Variants in INSL6 observed in about 807,000 individuals in gnomAD.
INSL6 encodes the protein insulin-like peptide INSL6.
Under a neutral mutation model 9.4 loss-of-function variants are expected in INSL6, and 16 were observed. That is an observed-to-expected ratio of 1.70 (90% confidence interval 1.15 to 2.59). The LOEUF (loss-of-function observed/expected upper bound fraction) is 2.59, where lower values mean the gene tolerates loss of function less well. Among genes scored for constraint, INSL6 ranks in the 30% most tolerant of loss-of-function variants. INSL6 has a pLI of 0.00. For missense variants in INSL6, 391 were observed against 257.3 expected, an observed-to-expected ratio of 1.52 and a Z score of -3.56; for synonymous variants, 154 against 96.9, an observed-to-expected ratio of 1.59 and a Z score of -3.46.
At chr9:5,107,054 C>T in the INSL6 span, among the ~76,000 whole-genome samples, 3 of 152,122 alleles carry the variant, frequency 2.0e-5, no homozygotes, top group Non-Finnish European at 2.9e-5. Context: ...CATCACTTTA[C>T]ATCCAACCAG....
chr9:5,049,402 T>C, the INSL6 span, among the ~76,000 whole-genome samples: 4 of 152,212 alleles, frequency 2.6e-5, no homozygotes, highest in East Asian at 7.7e-4. Context: ...TCTGAACATA[T>C]CTGGTGCTTT....
the INSL6 span, among the ~76,000 whole-genome samples, chr9:5,015,521 CTTTTT>C: frequency 1.4e-5 from 2 of 140,534 alleles, no homozygotes; most frequent in African/African-American, 2.8e-5. Flanking sequence ...TCATTGTATT[CTTTTT>C]CTTTTTCTTT....
At chr9:5,086,442 T>C in the INSL6 span, among the ~76,000 whole-genome samples, 1 of 152,248 alleles carries the variant, frequency 6.6e-6, no homozygotes, top group Admixed American at 6.5e-5. Context: ...ATTATCAGCA[T>C]CATTCTCAAT....
At chr9:5,024,469 G>A in the INSL6 span, among the ~76,000 whole-genome samples, 1 of 152,014 alleles carries the variant, frequency 6.6e-6, no homozygotes. Context: ...CTCTGCCTTA[G>A]CCTTCCCTTC....
the INSL6 span, among the ~76,000 whole-genome samples, chr9:5,035,709 T>A: frequency 3.1e-4 from 47 of 152,232 alleles, no homozygotes; most frequent in African/African-American, 1.1e-3. Context: ...CTCAATAAAT[T>A]AGGTATTGAT....
the INSL6 span, among the ~76,000 whole-genome samples, chr9:5,056,702 G>T: frequency 6.6e-6 from 1 of 152,106 alleles, no homozygotes; most frequent in Non-Finnish European, 1.5e-5. Flanking sequence ...TTTTATGGAT[G>T]CATAAAAGGA....
chr9:5,055,729 C>A, the INSL6 span: 1 of 1,607,354 alleles, frequency 6.2e-7, no homozygotes, highest in Non-Finnish European at 8.5e-7. Flanking sequence ...GCAAGCAAAC[C>A]AAGAGGGTTC....
At chr9:4,992,237 T>C in the INSL6 span, among the ~76,000 whole-genome samples, 3 of 152,312 alleles carry the variant, frequency 2.0e-5, no homozygotes, top group Middle Eastern at 3.4e-3. Flanking sequence ...ACATGTGGCC[T>C]GGATTTCCTC....
chr9:5,054,898 A>G, the INSL6 span: 7 of 1,530,530 alleles, frequency 4.6e-6, no homozygotes, highest in Non-Finnish European at 6.2e-6. The surrounding 1 kb of genome is among the most constrained non-coding windows in gnomAD (Gnocchi z 4.9). Context: ...ATCCTTAATG[A>G]TATGTTCTTG....
chr9:5,102,188 G>A, the INSL6 span, among the ~76,000 whole-genome samples: 290 of 152,250 alleles, frequency 1.9e-3, no homozygotes, highest in Non-Finnish European at 1.6e-3. Context: ...GTGTAGAGAA[G>A]ACCTTAAATG....
chr9:5,118,323 T>C, the INSL6 span, among the ~76,000 whole-genome samples: 6 of 152,226 alleles, frequency 3.9e-5, no homozygotes. Context: ...TTGCATAATA[T>C]GTTACACTTT....
At chr9:5,179,600 C>T (rs987462950) in intron 1 of INSL6, among the ~76,000 whole-genome samples, 7 of 152,182 alleles carry the variant, frequency 4.6e-5, no homozygotes, top group African/African-American at 1.7e-4. Context: ...AACCTAAATG[C>T]CCACCAATGA....
rs59479266 is a variant in INSL6 at position 5,150,846 on chromosome 9, G to GACACAC, written c.376+13327_376+13332dup. Among the ~76,000 whole-genome samples, 477 of 146,382 alleles carry GACACAC rather than the reference G, an allele frequency of 3.3e-3. 2 individuals are homozygous for GACACAC. Among genetic ancestry groups the GACACAC allele is most frequent in the African/African-American group, 9.1e-3 (364 of 39,850 alleles). ...CATCAACAGATGACTGGATAAAGGA[G>GACACAC]ACACACACACACACACACACACACA... On this transcript the variant is annotated intron_variant, in intron 2 of 3. Transcript: ENST00000649639.
At chr9:5,056,087 T>C in the INSL6 span, among the ~76,000 whole-genome samples, 1 of 152,032 alleles carries the variant, frequency 6.6e-6, no homozygotes, top group Non-Finnish European at 1.5e-5. Flanking sequence ...AGTTCTCTGA[T>C]GTAATGCTCA....
At chr9:5,122,124 G>T (rs956980436), downstream of INSL6, among the ~76,000 whole-genome samples, 6 of 152,116 alleles carry the variant, frequency 3.9e-5, no homozygotes, top group Admixed American at 3.9e-4. Context: ...GATTTGTGGA[G>T]ATTAGGAAAC....
the INSL6 span, among the ~76,000 whole-genome samples, chr9:5,009,104 C>A: frequency 6.6e-6 from 1 of 152,146 alleles, no homozygotes; most frequent in African/African-American, 2.4e-5. Context: ...ATGATTAGAG[C>A]AGCATTTTCT....
Position 5,141,421 on chromosome 9 carries a change from C to T in INSL6, c.377-7829G>A, listed in dbSNP as rs536627598. Among the ~76,000 whole-genome samples the T allele has an allele frequency of 3.9e-5, 6 of 152,072 alleles. No individual in the cohort carries two copies. The South Asian group carries it at 8.3e-4, about 21-fold the overall frequency. ...TTATTGGCATGAGATGGTATCTCAT[C>T]GTAGTTATGATTTACGTTTCTCTAA... On this transcript the variant is annotated intron_variant, in intron 2 of 3. Transcript: ENST00000649639.
chr9:5,157,597 A>C (rs1824839437), intron 2 of INSL6, among the ~76,000 whole-genome samples: 1 of 152,210 alleles, frequency 6.6e-6, no homozygotes, highest in South Asian at 2.1e-4. Context: ...GACCTAATAT[A>C]AATGCTAAAA....
the INSL6 span, among the ~76,000 whole-genome samples, chr9:5,003,922 G>A: frequency 6.6e-6 from 1 of 151,916 alleles, no homozygotes; most frequent in Admixed American, 6.6e-5. Context: ...ATTTTATTAG[G>A]AGTAGTTTCT....
Sources: allele counts gnomAD v4.1 joint callset (sites outside exome capture counted in the v4.1 genomes callset), GRCh38; gene constraint gnomAD v4.1.1; non-coding constraint Gnocchi (gnomAD v3.1); transcripts MANE v1.5; gene names NCBI Gene and HGNC (gene_info 2026-07-23, HGNC 2026-07-21).